The following CEP135 variants were observed in gnomAD, a reference collection of about 807,000 sequenced individuals.
The protein encoded by CEP135 is centrosomal protein 135, also known as centrosomal protein of 135 kDa.
Under a neutral mutation model 157.3 loss-of-function variants are expected in CEP135, and 142 were observed. That is an observed-to-expected ratio of 0.90 (90% CI 0.79 to 1.04). CEP135 has a LOEUF of 1.04. Among genes scored for constraint, CEP135 ranks in the 50% least tolerant of loss-of-function variants. CEP135 has a pLI of 0.00. For missense variants in CEP135, 1,317 were observed against 1,309.2 expected, an observed-to-expected ratio of 1.01 and a Z score of -0.09; for synonymous variants, 396 against 439.8, an observed-to-expected ratio of 0.90 and a Z score of 1.25.
intron 18 of CEP135, among the ~76,000 whole-genome samples, chr4:56,009,387 C>A (rs1455766173): frequency 6.6e-6 from 1 of 152,196 alleles, no homozygotes; most frequent in African/African-American, 2.4e-5. Flanking sequence ...TGGTCTCTAT[C>A]TCCTGACCTC....
At chr4:55,965,601 AT>A (rs1560400984) in intron 7 of CEP135, 42 bp from the exon 8 acceptor site, 3 of 1,364,584 alleles carry the variant, frequency 2.2e-6, no homozygotes, top group African/African-American at 2.9e-5. Context: ...GTTTAGGATA[AT>A]TTTCCAATTC....
intron 21 of CEP135, among the ~76,000 whole-genome samples, chr4:56,012,639 T>G (rs1273617120): frequency 6.6e-6 from 1 of 152,224 alleles, no homozygotes; most frequent in Non-Finnish European, 1.5e-5. Context: ...ACAATGTTTG[T>G]CCTTTTGTGA....
chr4:55,996,635 C>G (rs890329391), intron 15 of CEP135, among the ~76,000 whole-genome samples: 12 of 151,898 alleles, frequency 7.9e-5, no homozygotes, highest in African/African-American at 2.9e-4. Flanking sequence ...ACTTATTCAT[C>G]TTTCTTAGTG....
intron 18 of CEP135, among the ~76,000 whole-genome samples, chr4:56,009,414 G>C (rs960530289): frequency 3.3e-5 from 5 of 152,004 alleles, no homozygotes; most frequent in Middle Eastern, 3.4e-3. Context: ...TGCCCGCCTC[G>C]GCCTCCCAAA....
In CEP135 at chr4:55,974,903, G is replaced by T. The variant is rs755472062; in HGVS notation, c.1407G>T (p.Gln469His). 5.6e-6 allele frequency: 9 copies of T among 1,613,250 alleles called. No individual in the cohort carries two copies. Among genetic ancestry groups the T allele is most frequent in the Non-Finnish European group, 7.6e-6 (9 of 1,179,648 alleles). ...KELERLQHII[Q>H]RRSCSTSYSA... ...TAGAGAGACTCCAACATATAATACA[G>T]CGAAGATCTTGCTCTACAAGTTATA... Residue 469 changes from glutamine (Q) to histidine (H), a missense_variant, in exon 11 of 26, where the codon CAG becomes CAT. By Grantham distance (24) the Gln-to-His change is conservative (BLOSUM62 0). Coordinates refer to ENST00000257287, the MANE Select transcript of CEP135 (RefSeq NM_025009.5).
At position 56,009,533 on chromosome 4, in the gene CEP135, T is replaced by A. The variant is rs531325241; in HGVS notation, c.2337-202T>A. On this transcript the variant is annotated intron_variant, in intron 18 of 25. Coordinates refer to ENST00000257287, the MANE Select transcript of CEP135 (RefSeq NM_025009.5). ...TGACTGTTGGAATAACATTTTTTTTTAACTTCATTTGCATGTAATTATTGG... is the reference window on the plus strand; with the variant it reads ...TGACTGTTGGAATAACATTTTTTTTAAACTTCATTTGCATGTAATTATTGG... Among the ~76,000 whole-genome samples the A allele has an allele frequency of 8.5e-5, 13 of 152,314 alleles. No individual in the cohort carries two copies. The South Asian group carries it at 2.3e-3, about 27-fold the overall frequency.
chr4:56,008,257 T>C, intron 17 of CEP135, 70 bp from the exon 18 acceptor site: 2 of 1,103,074 alleles, frequency 1.8e-6, no homozygotes, highest in South Asian at 1.3e-5. Flanking sequence ...TATATGAATA[T>C]GACAAGTTAC....
intron 16 of CEP135, 36 bp from the exon 17 acceptor site, chr4:55,999,455 G>A: frequency 6.2e-7 from 1 of 1,612,978 alleles, no homozygotes; most frequent in South Asian, 1.1e-5. Flanking sequence ...TAATCCTAAT[G>A]TACTTTGTCT....
Position 56,020,315 on chromosome 4 carries a change from G to C in CEP135, c.3216-361G>C, listed in dbSNP as rs1730931618. Among the ~76,000 whole-genome samples the C allele has an allele frequency of 2.6e-5, 4 of 152,168 alleles. No homozygotes were observed. The South Asian group carries it at 8.3e-4, about 31-fold the overall frequency. ...TTGTAGGAAGAGGGAAAGAAACCCAGAGTAGAGTACACATGGAAGAATGAG... is the reference window on the plus strand; with the variant it reads ...TTGTAGGAAGAGGGAAAGAAACCCACAGTAGAGTACACATGGAAGAATGAG... On this transcript the variant is annotated intron_variant, in intron 23 of 25. Coordinates refer to ENST00000257287, the MANE Select transcript of CEP135 (RefSeq NM_025009.5).
chr4:56,003,357 C>G (rs887701911), intron 17 of CEP135, among the ~76,000 whole-genome samples: 5 of 151,952 alleles, frequency 3.3e-5, no homozygotes, highest in East Asian at 1.9e-4. Context: ...AGGTGCCCAC[C>G]ACCACACCTG....
chr4:55,971,459 T>G (rs764374793), intron 10 of CEP135, 51 bp downstream of exon 10: 2 of 1,512,352 alleles, frequency 1.3e-6, no homozygotes, highest in East Asian at 4.6e-5. Flanking sequence ...TTCCTCTTGA[T>G]GTATTGTTTT....
At chr4:56,019,613 A>G in intron 23 of CEP135, 58 bp downstream of exon 23, 1 of 1,428,084 alleles carries the variant, frequency 7.0e-7, no homozygotes, top group South Asian at 1.3e-5. Context: ...TAGTTTTTTA[A>G]TTTTTTTGAA....
At chr4:55,971,061 C>T (rs1025327042) in intron 9 of CEP135, among the ~76,000 whole-genome samples, 1 of 152,076 alleles carries the variant, frequency 6.6e-6, no homozygotes, top group African/African-American at 2.4e-5. Context: ...AATTCTCCCA[C>T]CCTCAAAGAA....
At chr4:56,007,832 G>C (rs1228096083) in intron 17 of CEP135, among the ~76,000 whole-genome samples, 1 of 152,138 alleles carries the variant, frequency 6.6e-6, no homozygotes, top group Non-Finnish European at 1.5e-5. Context: ...CCCAGGAACT[G>C]ACTCGTCCTC....
intron 7 of CEP135, 73 bp from the exon 8 acceptor site, chr4:55,965,571 G>A: frequency 2.1e-6 from 2 of 944,202 alleles, no homozygotes; most frequent in Non-Finnish European, 3.2e-6. Flanking sequence ...GTTTTTTGAA[G>A]TATTATTTGG....
At position 55,991,976 on chromosome 4, in the gene CEP135, A is replaced by G; in HGVS notation, c.1900A>G (p.Met634Val). The change falls in exon 15 of 26, where the codon ATG becomes GTG. Residue 634 changes from methionine (M) to valine (V), a missense_variant. Transcript: ENST00000257287. ...TGAATTAAAGTCTAAAGTGTTAATA[A>G]TGAAAGAAACAATAGAGTCGTTAGA... ...KYELKSKVLIMKETIESLENK... is the reference protein window; with the variant it reads ...KYELKSKVLIVKETIESLENK... The G allele has an allele frequency of 1.3e-6, 2 of 1,562,464 alleles. No individual in the cohort carries two copies. The highest frequency in any genetic ancestry group is 1.7e-6 in the Non-Finnish European group (2 of 1,145,476).
intron 21 of CEP135, among the ~76,000 whole-genome samples, chr4:56,013,686 C>T (rs1019718092): frequency 5.3e-5 from 8 of 152,170 alleles, no homozygotes; most frequent in African/African-American, 1.7e-4. Flanking sequence ...GATTGATATA[C>T]AATAGTTGGC....
intron 9 of CEP135, among the ~76,000 whole-genome samples, chr4:55,970,071 T>C (rs1018101483): frequency 2.0e-5 from 3 of 150,900 alleles, no homozygotes; most frequent in African/African-American, 7.3e-5. Flanking sequence ...GAGGTCTTAC[T>C]ATGTTACCCA....
At chr4:55,962,087 T>A (rs1048314955) in intron 6 of CEP135, among the ~76,000 whole-genome samples, 1 of 150,776 alleles carries the variant, frequency 6.6e-6, no homozygotes, top group African/African-American at 2.4e-5. Flanking sequence ...ATAGCTAACA[T>A]CCTTTTTAAA....
Sources: allele counts gnomAD v4.1 joint callset (sites outside exome capture counted in the v4.1 genomes callset), GRCh38; gene constraint gnomAD v4.1.1; transcripts MANE v1.5; gene names NCBI Gene and HGNC (gene_info 2026-07-23, HGNC 2026-07-21).